LINGO2: variants seen among roughly 807,000 people sequenced by gnomAD.
LINGO2 encodes leucine-rich repeat and immunoglobulin-like domain-containing nogo receptor-interacting protein 2.
A neutral mutation model predicts 30.6 loss-of-function variants in LINGO2; 14 were observed. The observed-to-expected ratio is 0.46, with a 90% CI of 0.30 to 0.72. LINGO2 has a LOEUF of 0.72. LINGO2 is among the 30% of genes least tolerant of loss of function. The pLI is 0.07. For missense variants in LINGO2, 729 were observed against 751.7 expected, an observed-to-expected ratio of 0.97 and a Z score of 0.35; for synonymous variants, 317 against 288.5, an observed-to-expected ratio of 1.10 and a Z score of -1.00.
At chr9:28,607,510 T>C (rs972516282) in intron 1 of LINGO2, among the ~76,000 whole-genome samples, 2 of 152,062 alleles carry the variant, frequency 1.3e-5, no homozygotes, top group Non-Finnish European at 2.9e-5. Context: ...AATTTAAGCC[T>C]GAAACTGCCT....
intron 3 of LINGO2, among the ~76,000 whole-genome samples, chr9:28,304,733 T>A (rs889043027): frequency 3.3e-5 from 5 of 152,178 alleles, no homozygotes; most frequent in African/African-American, 1.2e-4. Flanking sequence ...TGTTTAACTA[T>A]ATTAGAAACT....
the LINGO2 span, among the ~76,000 whole-genome samples, chr9:28,992,424 T>G: frequency 7.0e-6 from 1 of 142,902 alleles, no homozygotes; most frequent in Non-Finnish European, 1.5e-5. Context: ...ATGGGAGACT[T>G]TAACACCCCA....
chr9:28,513,741 A>T lies in LINGO2; in HGVS notation c.-364-37716T>A, dbSNP rs529829914. On this transcript the variant is annotated intron_variant, in intron 1 of 5. Coordinates refer to ENST00000379992, the Ensembl canonical transcript of LINGO2. ...TTGTGTGTATGTTCTTAACATTTCA[A>T]ATATGTGATACCCAATAAAGTATTT... Among the ~76,000 whole-genome samples the T allele has an allele frequency of 2.0e-5, 3 of 152,342 alleles. No homozygotes were observed. The South Asian group carries it at 6.2e-4, about 32-fold the overall frequency.
At chr9:28,439,988 A>G (rs1824125658) in intron 2 of LINGO2, among the ~76,000 whole-genome samples, 1 of 152,178 alleles carries the variant, frequency 6.6e-6, no homozygotes, top group African/African-American at 2.4e-5. Context: ...GTAGCAAACT[A>G]AATTTGGGCT....
intron 4 of LINGO2, among the ~76,000 whole-genome samples, chr9:28,046,093 C>G (rs1172708667): frequency 6.6e-6 from 1 of 152,132 alleles, no homozygotes; most frequent in Non-Finnish European, 1.5e-5. Context: ...TGAAGTTCAG[C>G]TAAATGTTAT....
At chr9:28,290,464 G>A (rs939521600) in intron 4 of LINGO2, among the ~76,000 whole-genome samples, 5 of 152,264 alleles carry the variant, frequency 3.3e-5, no homozygotes, top group Admixed American at 3.3e-4. Context: ...AACACCAGGG[G>A]ACTCAGTCTA....
chr9:28,053,075 C>T (rs1465243441), intron 4 of LINGO2, among the ~76,000 whole-genome samples: 2 of 152,034 alleles, frequency 1.3e-5, no homozygotes, highest in Non-Finnish European at 2.9e-5. Flanking sequence ...AGTAAACAGG[C>T]AAGAACATGT....
At chr9:29,029,045 C>A in the LINGO2 span, among the ~76,000 whole-genome samples, 1 of 152,042 alleles carries the variant, frequency 6.6e-6, no homozygotes, top group Non-Finnish European at 1.5e-5. Context: ...AATTTCATGG[C>A]TAACTGGAGG....
intron 2 of LINGO2, among the ~76,000 whole-genome samples, chr9:28,433,942 TC>T (rs1823793284): frequency 1.5e-5 from 1 of 66,500 alleles, no homozygotes; most frequent in African/African-American, 4.2e-5. Flanking sequence ...TCTCTCTCTC[TC>T]TCTCTCTATA....
chr9:28,855,522 A>C, the LINGO2 span, among the ~76,000 whole-genome samples: 4 of 152,086 alleles, frequency 2.6e-5, no homozygotes, highest in East Asian at 7.8e-4. Flanking sequence ...AAGTTTTATA[A>C]TATACCTAAA....
At chr9:28,226,410 C>T (rs1290202589) in intron 4 of LINGO2, among the ~76,000 whole-genome samples, 1 of 151,934 alleles carries the variant, frequency 6.6e-6, no homozygotes, top group Non-Finnish European at 1.5e-5. Context: ...ACCTCCATTA[C>T]AGTATGTTAC....
intron 4 of LINGO2, among the ~76,000 whole-genome samples, chr9:28,193,030 A>G (rs960157753): frequency 6.6e-6 from 1 of 152,196 alleles, no homozygotes; most frequent in African/African-American, 2.4e-5. Flanking sequence ...AATAGCTCAC[A>G]TTTGATGGTT....
At chr9:28,099,936 A>C (rs1826361060) in intron 4 of LINGO2, among the ~76,000 whole-genome samples, 1 of 152,142 alleles carries the variant, frequency 6.6e-6, no homozygotes, top group African/African-American at 2.4e-5. Context: ...ACATTTTACA[A>C]GTGTGATCAT....
chr9:28,587,307 A>G (rs763700329), intron 1 of LINGO2, among the ~76,000 whole-genome samples: 4 of 152,028 alleles, frequency 2.6e-5, no homozygotes, highest in Non-Finnish European at 4.4e-5. Flanking sequence ...ATGCCCTCAT[A>G]TTCAGCTAGA....
the LINGO2 span, among the ~76,000 whole-genome samples, chr9:28,708,995 A>C: frequency 6.6e-6 from 1 of 152,138 alleles, no homozygotes; most frequent in East Asian, 1.9e-4. Context: ...ATTAAGCAAA[A>C]CACACATTTT....
chr9:28,867,634 T>G, the LINGO2 span, among the ~76,000 whole-genome samples: 1 of 152,176 alleles, frequency 6.6e-6, no homozygotes, highest in African/African-American at 2.4e-5. Flanking sequence ...GCATGTGTAT[T>G]ACTTCATTTA....
At chr9:28,057,292 T>A (rs565030038) in intron 4 of LINGO2, among the ~76,000 whole-genome samples, 5 of 151,904 alleles carry the variant, frequency 3.3e-5, no homozygotes, top group South Asian at 4.2e-4. Context: ...TTTTTTTTTT[T>A]ATTGCAGGAT....
the LINGO2 span, among the ~76,000 whole-genome samples, chr9:28,903,599 T>C: frequency 4.2e-3 from 645 of 152,198 alleles, 5 homozygotes; most frequent in African/African-American, 0.014. Flanking sequence ...CTTCAGTCTC[T>C]GGAGTAGCTG....
chr9:28,088,464 A>C (rs1213223019), intron 4 of LINGO2, among the ~76,000 whole-genome samples: 1 of 152,068 alleles, frequency 6.6e-6, no homozygotes, highest in African/African-American at 2.4e-5. Flanking sequence ...AGTAATCTGC[A>C]TTCCATCTGA....
Sources: gnomAD v4.1 joint callset for allele counts (sites outside exome capture counted in the v4.1 genomes callset) on GRCh38, gnomAD v4.1.1 for gene constraint, MANE v1.5 for transcripts, NCBI Gene and HGNC (gene_info 2026-07-23, HGNC 2026-07-21) for gene names.